DTNA: variants seen among roughly 807,000 people sequenced by gnomAD.
DTNA encodes dystrophin-related protein 3.
A neutral mutation model predicts 100.7 loss-of-function variants in DTNA; 43 were observed. The ratio of observed to expected loss-of-function variants is 0.43; its 90% CI spans 0.33 to 0.55. The LOEUF (loss-of-function observed/expected upper bound fraction) is 0.55, where lower values mean the gene tolerates loss of function less well. DTNA is among the 20% of genes least tolerant of loss of function. DTNA has a pLI of 0.04. For missense variants in DTNA, 798 were observed against 953.9 expected (o/e 0.84, Z 2.15); for synonymous variants, 349 against 347.9 (o/e 1.00, Z -0.04).
chr18:34,805,133 T>A (rs1427336631), intron 4 of DTNA, among the ~76,000 whole-genome samples: 2 of 152,240 alleles, frequency 1.3e-5, no homozygotes, highest in African/African-American at 4.8e-5. Flanking sequence ...ACTAATATGA[T>A]ACAGTTTCTG....
chr18:34,626,178 A>C (rs993153171), intron 1 of DTNA, among the ~76,000 whole-genome samples: 1 of 152,218 alleles, frequency 6.6e-6, no homozygotes, highest in African/African-American at 2.4e-5. Context: ...TTATTATTAC[A>C]TCAGACACAT....
chr18:34,534,015 C>A (rs528812896), intron 1 of DTNA, among the ~76,000 whole-genome samples: 7 of 152,016 alleles, frequency 4.6e-5, no homozygotes, highest in Non-Finnish European at 1.0e-4. Context: ...CTATGTTGAA[C>A]CTCACTTTTA....
intron 1 of DTNA, among the ~76,000 whole-genome samples, chr18:34,711,614 T>C (rs570792795): frequency 6.6e-6 from 1 of 152,196 alleles, no homozygotes; most frequent in African/African-American, 2.4e-5. Context: ...TTGGCACTAA[T>C]TAGGATAAAA....
At chr18:34,744,893 ATTAAGAAGCTCAG>A (rs950659875) in intron 1 of DTNA, among the ~76,000 whole-genome samples, 1 of 152,112 alleles carries the variant, frequency 6.6e-6, no homozygotes, top group Non-Finnish European at 1.5e-5. Flanking sequence ...TTTGGTTCTC[ATTAAGAAGCTCAG>A]TGGGATTTGT....
chr18:34,714,386 G>GA (rs774522761), intron 1 of DTNA, among the ~76,000 whole-genome samples: 3 of 138,990 alleles, frequency 2.2e-5, no homozygotes, highest in Middle Eastern at 3.4e-3. Context: ...AAATTTACAA[G>GA]AAAAAAAACA....
intron 4 of DTNA, 53 bp downstream of exon 4, chr18:34,794,303 TG>T (rs545799622): frequency 1.2e-6 from 2 of 1,603,694 alleles, no homozygotes; most frequent in Non-Finnish European, 1.7e-6. Context: ...TTTCACTTCC[TG>T]TCTTACTTGG....
intron 2 of DTNA, among the ~76,000 whole-genome samples, chr18:34,763,197 C>G (rs1343270115): frequency 6.6e-6 from 1 of 152,142 alleles, no homozygotes; most frequent in East Asian, 1.9e-4. Flanking sequence ...GATTGCTGAG[C>G]CAAACTTAGC....
At chr18:34,793,574 T>C (rs1221860934) in intron 3 of DTNA, among the ~76,000 whole-genome samples, 1 of 152,212 alleles carries the variant, frequency 6.6e-6, no homozygotes, top group East Asian at 1.9e-4. Flanking sequence ...TACTCAAATA[T>C]AATTTGGACA....
intron 1 of DTNA, among the ~76,000 whole-genome samples, chr18:34,591,976 A>T (rs897549008): frequency 2.0e-5 from 3 of 152,190 alleles, no homozygotes; most frequent in African/African-American, 7.2e-5. Context: ...AAAATAGAAG[A>T]TTCAAAACCA....
intron 1 of DTNA, among the ~76,000 whole-genome samples, chr18:34,661,875 T>C (rs986896939): frequency 2.0e-5 from 3 of 152,194 alleles, no homozygotes; most frequent in Non-Finnish European, 2.9e-5. Context: ...CCTACCCAGT[T>C]TGGGGCAACA....
chr18:34,659,790 C>T (rs1334332363), intron 1 of DTNA, among the ~76,000 whole-genome samples: 3 of 152,174 alleles, frequency 2.0e-5, no homozygotes, highest in Admixed American at 6.6e-5. Context: ...AACCGGTGAC[C>T]GTATTTAGTG....
At chr18:34,598,144 G>T (rs1204076862) in intron 1 of DTNA, among the ~76,000 whole-genome samples, 1 of 151,800 alleles carries the variant, frequency 6.6e-6, no homozygotes, top group Admixed American at 6.6e-5. Flanking sequence ...ATGTCAAGTG[G>T]AGTCAGTAAA....
At chr18:34,550,142 C>G (rs2045247794) in intron 1 of DTNA, among the ~76,000 whole-genome samples, 1 of 152,088 alleles carries the variant, frequency 6.6e-6, no homozygotes, top group South Asian at 2.1e-4. Context: ...TAGTGTACAA[C>G]CTCAGTTGGA....
At chr18:34,761,090 T>C (rs1003356606) in intron 2 of DTNA, among the ~76,000 whole-genome samples, 1 of 151,828 alleles carries the variant, frequency 6.6e-6, no homozygotes, top group Admixed American at 6.6e-5. Context: ...TCTCTCTCTT[T>C]CTCTCTCTCA....
At chr18:34,543,227 C>T (rs2044426636) in intron 1 of DTNA, among the ~76,000 whole-genome samples, 1 of 151,788 alleles carries the variant, frequency 6.6e-6, no homozygotes, top group Admixed American at 6.6e-5. Context: ...TACTGCTGTT[C>T]AGACTGTTCA....
intron 1 of DTNA, among the ~76,000 whole-genome samples, chr18:34,695,827 C>CT (rs2080453628): frequency 6.6e-6 from 1 of 152,172 alleles, no homozygotes; most frequent in Admixed American, 6.5e-5. Context: ...TCTCAAACAG[C>CT]TTTTTCCACG....
intron 1 of DTNA, among the ~76,000 whole-genome samples, chr18:34,524,372 T>C (rs2042415516): frequency 6.6e-6 from 1 of 152,214 alleles, no homozygotes; most frequent in Non-Finnish European, 1.5e-5. Flanking sequence ...TGTGTGATAA[T>C]TGCTATTTAT....
chr18:34,694,569 G>A (rs1350698373), intron 1 of DTNA, among the ~76,000 whole-genome samples: 1 of 152,182 alleles, frequency 6.6e-6, no homozygotes, highest in Non-Finnish European at 1.5e-5. Flanking sequence ...TTCTCTAACA[G>A]TAGGCTAGAA....
At chr18:34,646,566 A>T (rs935109827) in intron 1 of DTNA, among the ~76,000 whole-genome samples, 3 of 152,208 alleles carry the variant, frequency 2.0e-5, no homozygotes, top group African/African-American at 4.8e-5. Context: ...TACATTACAG[A>T]TTATTTTAGA....
Sources: allele counts gnomAD v4.1 joint callset (sites outside exome capture counted in the v4.1 genomes callset), GRCh38; gene constraint gnomAD v4.1.1; transcripts MANE v1.5; gene names NCBI Gene and HGNC (gene_info 2026-07-23, HGNC 2026-07-21).